Variants in NR1I2 observed in about 807,000 individuals in gnomAD.
NR1I2 encodes orphan nuclear receptor PAR1.
Under a neutral mutation model 43.3 loss-of-function variants are expected in NR1I2, and 42 were observed. That is an observed-to-expected ratio of 0.97 (90% CI 0.76 to 1.26). The LOEUF is 1.26. NR1I2 is among the 50% of genes most tolerant of loss of function. The pLI, the probability that NR1I2 is intolerant of heterozygous loss-of-function variation, is 0.00. For missense variants in NR1I2, 559 were observed against 566.7 expected (o/e 0.99, Z 0.14); for synonymous variants, 229 against 215.0 (o/e 1.06, Z -0.57).
chr3:119,782,722 T>G, intron 1 of NR1I2: 2 of 1,486,908 alleles, frequency 1.3e-6, no homozygotes, highest in Non-Finnish European at 1.9e-6. Flanking sequence ...CCTGCTGGGT[T>G]AGTGCTGGCA....
rs756423102 is a variant in NR1I2, at chr3:119,812,872, A to G, written c.706A>G (p.Ile236Val). The G allele has an allele frequency of 3.1e-6, 5 of 1,614,114 alleles. 1 individual carries two copies. Among genetic ancestry groups the G allele is most frequent in the East Asian group, 2.2e-5 (1 of 44,886 alleles). Reference sequence around the variant, plus strand: ...CCCAGCCGACAGTGGCGGGAAAGAGATCTTCTCCCTGCTGCCCCACATGGC... The same window carrying G: ...CCCAGCCGACAGTGGCGGGAAAGAGGTCTTCTCCCTGCTGCCCCACATGGC... Residue 236 changes from isoleucine (I) to valine (V), a missense_variant, in exon 5 of 9, where the codon ATC becomes GTC. Around this residue, in one of 3 missense-constraint regions of NR1I2, gnomAD observed 323 missense variants for 312.2 expected, o/e 1.03. Transcript: ENST00000393716.
chr3:119,786,199 A>G (rs2054840985), intron 1 of NR1I2, among the ~76,000 whole-genome samples: 1 of 152,238 alleles, frequency 6.6e-6, no homozygotes, highest in Non-Finnish European at 1.5e-5. Context: ...GACAACATTA[A>G]TTCAAATTCT....
At chr3:119,785,091 T>C (rs2054826625) in intron 1 of NR1I2, among the ~76,000 whole-genome samples, 1 of 152,244 alleles carries the variant, frequency 6.6e-6, no homozygotes, top group African/African-American at 2.4e-5. Context: ...GGTTTTTCTT[T>C]GCCATTCAGC....
rs567221731 is a variant in NR1I2 at position 119,818,319 on chromosome 3, A to T, written c.*1107A>T. Reference sequence around the variant, plus strand: ...CTATTCTCAAAGCTAAAGGGTATGAAAGTGCCTGCCTTGTTTATAGCCACT... The same window carrying T: ...CTATTCTCAAAGCTAAAGGGTATGATAGTGCCTGCCTTGTTTATAGCCACT... On this transcript the variant is annotated 3_prime_UTR_variant, in exon 9 of 9. Coordinates refer to ENST00000393716, the MANE Select transcript of NR1I2 (RefSeq NM_003889.4). 2 of 985,448 alleles carry T rather than the reference A, an allele frequency of 2.0e-6. No homozygotes were observed. Among genetic ancestry groups the T allele is most frequent in the Admixed American group, 1.2e-4 (2 of 16,292 alleles). The allele number at this position is 985,448 out of a possible 1,614,324, so 61.0% of individuals were successfully genotyped here.
chr3:119,811,829 A>G, intron 4 of NR1I2, 103 bp downstream of exon 4: 2 of 1,091,302 alleles, frequency 1.8e-6, no homozygotes, highest in Non-Finnish European at 2.7e-6. Context: ...GGTCACAGCT[A>G]ATCAGTGGTG....
At chr3:119,799,906 G>A (rs1577276274) in intron 1 of NR1I2, among the ~76,000 whole-genome samples, 1 of 151,976 alleles carries the variant, frequency 6.6e-6, no homozygotes, top group Non-Finnish European at 1.5e-5. Flanking sequence ...CTTGAACCTG[G>A]GAGGCAGAGG....
chr3:119,791,827 G>T (rs1204434955), intron 1 of NR1I2: 8 of 526,158 alleles, frequency 1.5e-5, no homozygotes, highest in African/African-American at 9.6e-5. Context: ...AAACATAGCT[G>T]CCAAGTGTTT....
chr3:119,811,343 C>T, intron 3 of NR1I2, 196 bp from the exon 4 acceptor site: 1 of 594,840 alleles, frequency 1.7e-6, no homozygotes, highest in Non-Finnish European at 2.9e-6. Context: ...CACCTCATCT[C>T]TGTCCTCACC....
intron 3 of NR1I2, 148 bp downstream of exon 3, chr3:119,810,342 C>A: frequency 1.6e-6 from 2 of 1,257,834 alleles, no homozygotes; most frequent in Non-Finnish European, 2.2e-6. Flanking sequence ...CCGTGTGCAA[C>A]AGGCAGCCAC....
chr3:119,808,914 G>A (rs1468311827), intron 2 of NR1I2, among the ~76,000 whole-genome samples: 4 of 152,332 alleles, frequency 2.6e-5, no homozygotes, highest in South Asian at 2.1e-4. Flanking sequence ...AGTGGACTTT[G>A]ATGTAGCATC....
intron 1 of NR1I2, chr3:119,782,766 C>G: frequency 6.2e-7 from 1 of 1,613,722 alleles, no homozygotes. Context: ...GCATGACAGT[C>G]ACCAGGACTC....
At chr3:119,795,899 C>T (rs988374110) in intron 1 of NR1I2, among the ~76,000 whole-genome samples, 1 of 152,170 alleles carries the variant, frequency 6.6e-6, no homozygotes, top group Non-Finnish European at 1.5e-5. Context: ...TTCATTCTTT[C>T]TTGCACTAAA....
Position 119,815,832 on chromosome 3 carries a change from G to T in NR1I2, c.1160+1G>T, listed in dbSNP as rs1354109729. The T allele has an allele frequency of 1.2e-6, 2 of 1,602,072 alleles. No homozygotes were observed. The highest frequency in any genetic ancestry group is 1.7e-5 in the Admixed American group (1 of 58,808). On this transcript the variant is annotated splice_donor_variant, in intron 8 of 8. Transcript: ENST00000393716. LOFTEE classifies it high-confidence loss of function. ...GCAATCGGCCCCAGCCTGCTCATAG[G>T]TGAGCACAGCAGGGGGTGAGGACCC...
At chr3:119,798,376 T>C (rs2055027862) in intron 1 of NR1I2, among the ~76,000 whole-genome samples, 1 of 152,250 alleles carries the variant, frequency 6.6e-6, no homozygotes, top group Middle Eastern at 3.4e-3. Flanking sequence ...AAATGTCCAG[T>C]TGATTATTTT....
At chr3:119,808,946 G>A (rs770385462) in intron 2 of NR1I2, among the ~76,000 whole-genome samples, 1 of 152,224 alleles carries the variant, frequency 6.6e-6, no homozygotes, top group African/African-American at 2.4e-5. Context: ...ACCCAGGCCA[G>A]TTGGGAAGGC....
intron 1 of NR1I2, among the ~76,000 whole-genome samples, chr3:119,786,545 A>C (rs1472366352): frequency 1.3e-5 from 2 of 152,242 alleles, no homozygotes; most frequent in African/African-American, 4.8e-5. Context: ...CACAGGCAAC[A>C]CTGGCACTAC....
Position 119,807,192 on chromosome 3 carries a change from C to T in NR1I2, c.-22-37C>T, listed in dbSNP as rs2107968726. 1.9e-6 allele frequency: 3 copies of T among 1,572,532 alleles called. No individual in the cohort carries two copies. In the East Asian group the frequency reaches 6.7e-5, roughly 35 times the overall value. On this transcript the variant is annotated intron_variant, in intron 1 of 8. Transcript: ENST00000393716. The stretch of plus-strand genomic sequence containing the variant: ...CTCTGAGGCCTCTACACATCCCTGT[C>T]CAGTCTTTTCATTCTCTGTGGTTTT...
chr3:119,793,354 G>A (rs542824774), intron 1 of NR1I2, among the ~76,000 whole-genome samples: 3 of 152,282 alleles, frequency 2.0e-5, no homozygotes, highest in African/African-American at 7.2e-5. Context: ...CAAGGAAAAT[G>A]AACAGCCTCA....
rs778031691 is a variant in NR1I2, at chr3:119,791,576, G to A, written c.-23+9276G>A. On this transcript the variant is annotated intron_variant, in intron 1 of 8. Coordinates refer to ENST00000393716, the MANE Select transcript of NR1I2 (RefSeq NM_003889.4). Reference sequence around the variant, plus strand: ...CTTGATGGGTCTCTTGTCAAAATCAGTGATATGGTTTGGATGTTTTATCCC... The same window carrying A: ...CTTGATGGGTCTCTTGTCAAAATCAATGATATGGTTTGGATGTTTTATCCC... Among the ~76,000 whole-genome samples the A allele has an allele frequency of 3.1e-4, 47 of 152,272 alleles. 2 individuals are homozygous for A. Among genetic ancestry groups the A allele is most frequent in the Non-Finnish European group, 2.6e-4 (18 of 68,020 alleles).
Sources: gnomAD v4.1 joint callset for allele counts (sites outside exome capture counted in the v4.1 genomes callset) on GRCh38, gnomAD v4.1.1 for gene constraint, gnomAD v4.1.1 regional missense constraint, MANE v1.5 for transcripts, NCBI Gene and HGNC (gene_info 2026-07-23, HGNC 2026-07-21) for gene names.